LRP1B: variants seen among roughly 807,000 people sequenced by gnomAD.
The protein encoded by LRP1B is LDL receptor related protein 1B.
LRP1B carries 217 observed loss-of-function variants against 556.6 expected under a neutral mutation model. The observed-to-expected ratio is 0.39, with a 90% confidence interval of 0.35 to 0.44. The LOEUF is 0.44. Ranked by LOEUF, LRP1B falls within the 20% of genes least tolerant of loss-of-function variation. The pLI, the probability that LRP1B is intolerant of heterozygous loss-of-function variation, is 1.00. For missense variants in LRP1B, 5,053 were observed against 5,620.8 expected (o/e 0.90, Z 3.23); for synonymous variants, 2,047 against 1,865.8 (o/e 1.10, Z -2.50).
At chr2:141,698,766 T>C (rs1691830968) in intron 2 of LRP1B, among the ~76,000 whole-genome samples, 1 of 151,792 alleles carries the variant, frequency 6.6e-6, no homozygotes, top group East Asian at 1.9e-4. Context: ...GGCATTAACT[T>C]AGAGCAGTGA....
At chr2:140,684,894 G>A (rs1266306089) in intron 41 of LRP1B, among the ~76,000 whole-genome samples, 1 of 152,054 alleles carries the variant, frequency 6.6e-6, no homozygotes. Flanking sequence ...CTAACAATAG[G>A]AACATATTCT....
rs758715859 is a variant in LRP1B, at chr2:140,923,052, C to G, written c.3232G>C (p.Asp1078His). The change falls in exon 21 of 91, where the codon GAC becomes CAC. Residue 1078 changes from aspartate to histidine, a missense_variant. Around this residue, in one of 5 missense-constraint regions of LRP1B, gnomAD observed 3,619 missense variants for 3,931.9 expected, o/e 0.92. Transcript: ENST00000389484. ...PDLWRCDGEK[D>H]CEDGSDEKGC... ...TTTTCATCACTACCATCTTCACAGT[C>G]TTTTTCTCCATCACAGCGCCACAAA... 1 of 1,613,218 alleles carries G rather than the reference C, an allele frequency of 6.2e-7. No homozygotes were observed. Among genetic ancestry groups the G allele is most frequent in the Non-Finnish European group, 8.5e-7 (1 of 1,179,452 alleles).
intron 7 of LRP1B, among the ~76,000 whole-genome samples, chr2:141,162,818 C>A (rs763825337): frequency 6.6e-6 from 1 of 152,044 alleles, no homozygotes; most frequent in African/African-American, 2.4e-5. Flanking sequence ...TATATAATAT[C>A]CCTCCATGCA....
intron 3 of LRP1B, among the ~76,000 whole-genome samples, chr2:141,335,308 T>C (rs2105503512): frequency 6.6e-6 from 1 of 152,320 alleles, no homozygotes; most frequent in South Asian, 2.1e-4. Context: ...AGAGTTCAGT[T>C]ATTCTGAACA....
chr2:141,247,219 A>AACTT lies in LRP1B; in HGVS notation c.592+3_592+6dup, dbSNP rs766457784. 11 of 1,613,542 alleles carry AACTT rather than the reference A, an allele frequency of 6.8e-6. No individual in the cohort carries two copies. In the South Asian group the frequency reaches 1.2e-4, roughly 18 times the overall value. The stretch of plus-strand genomic sequence containing the variant: ...GGAAAGACAAAAAATAAATGGTCAT[A>AACTT]ACTTACCAATTTTAGCCTTGCAAGA... On this transcript the variant is annotated splice_region_variant and intron_variant, in intron 5 of 90. Transcript: ENST00000389484.
intron 3 of LRP1B, among the ~76,000 whole-genome samples, chr2:141,431,399 C>A (rs1328732140): frequency 6.6e-6 from 1 of 152,160 alleles, no homozygotes; most frequent in Non-Finnish European, 1.5e-5. Context: ...GAAATGGGAT[C>A]TCAATCTTAC....
At chr2:140,454,299 C>T (rs1687003292) in intron 62 of LRP1B, among the ~76,000 whole-genome samples, 1 of 152,162 alleles carries the variant, frequency 6.6e-6, no homozygotes, top group South Asian at 2.1e-4. Context: ...CAGGTCCTTG[C>T]CACCATGCCC....
intron 66 of LRP1B, among the ~76,000 whole-genome samples, chr2:140,438,882 G>A (rs1335666958): frequency 6.6e-6 from 1 of 152,138 alleles, no homozygotes; most frequent in African/African-American, 2.4e-5. Flanking sequence ...GAGCAAAGGT[G>A]GGGGCTAGAA....
At chr2:141,923,397 C>T (rs1469552545) in intron 1 of LRP1B, among the ~76,000 whole-genome samples, 5 of 120,262 alleles carry the variant, frequency 4.2e-5, no homozygotes, top group South Asian at 2.8e-4. Context: ...GAAATTATCT[C>T]TGTCACTATA....
chr2:141,171,925 C>T (rs1049306772), intron 7 of LRP1B, among the ~76,000 whole-genome samples: 1 of 152,110 alleles, frequency 6.6e-6, no homozygotes, highest in East Asian at 1.9e-4. Flanking sequence ...CTCCTCCTTT[C>T]TCTCTGGCTG....
chr2:141,255,227 A>G (rs1242330331), intron 3 of LRP1B, among the ~76,000 whole-genome samples: 1 of 152,074 alleles, frequency 6.6e-6, no homozygotes. Flanking sequence ...CATGAAATAG[A>G]GATGAAGTGA....
In LRP1B at chr2:141,544,078, C is replaced by T. The variant is rs978990328; in HGVS notation, c.206-63545G>A. ...TGAACCAGAGCATTGTTAATTTTTTCGTGGTCTTACCCCACATTTCCATTG... is the reference window on the plus strand; with the variant it reads ...TGAACCAGAGCATTGTTAATTTTTTTGTGGTCTTACCCCACATTTCCATTG... On this transcript the variant is annotated intron_variant, in intron 2 of 90. Coordinates refer to ENST00000389484, the MANE Select transcript of LRP1B (RefSeq NM_018557.3). Among the ~76,000 whole-genome samples the T allele has an allele frequency of 8.5e-5, 13 of 152,210 alleles. No homozygotes were observed. The East Asian group carries it at 1.4e-3, about 16-fold the overall frequency.
intron 2 of LRP1B, among the ~76,000 whole-genome samples, chr2:141,521,517 A>T (rs1574041661): frequency 1.3e-5 from 2 of 151,294 alleles, no homozygotes; most frequent in South Asian, 4.2e-4. Flanking sequence ...CTTGGAAGTA[A>T]TTTTTTTTAT....
At chr2:141,782,701 C>T (rs1012818000) in intron 2 of LRP1B, among the ~76,000 whole-genome samples, 1 of 151,902 alleles carries the variant, frequency 6.6e-6, no homozygotes, top group Admixed American at 6.6e-5. Flanking sequence ...TAAAAACAAA[C>T]ATAACATATG....
At chr2:141,021,524 C>T (rs919914214) in intron 11 of LRP1B, among the ~76,000 whole-genome samples, 5 of 152,014 alleles carry the variant, frequency 3.3e-5, no homozygotes, top group African/African-American at 1.2e-4. Context: ...TTCCTGAGCA[C>T]TTTCCTATTC....
At chr2:140,998,138 G>T (rs543611529) in intron 15 of LRP1B, among the ~76,000 whole-genome samples, 2 of 151,992 alleles carry the variant, frequency 1.3e-5, no homozygotes, top group Non-Finnish European at 1.5e-5. Context: ...TATATCTGGG[G>T]CTCCAGAAGG....
intron 43 of LRP1B, among the ~76,000 whole-genome samples, chr2:140,574,083 A>G (rs1681428730): frequency 6.6e-6 from 1 of 152,106 alleles, no homozygotes; most frequent in African/African-American, 2.4e-5. Context: ...GCATTTATCT[A>G]TATTTCAAAC....
chr2:141,395,537 C>T (rs544259919), intron 3 of LRP1B, among the ~76,000 whole-genome samples: 110 of 152,042 alleles, frequency 7.2e-4, no homozygotes, highest in Non-Finnish European at 8.8e-5. Context: ...ATTAACAATG[C>T]ATTACTCTGA....
intron 18 of LRP1B, among the ~76,000 whole-genome samples, chr2:140,955,570 G>A (rs1573919066): frequency 6.6e-6 from 1 of 151,716 alleles, no homozygotes; most frequent in African/African-American, 2.4e-5. Context: ...TTTTATCTTG[G>A]TAGTTACTTA....
Sources: allele counts gnomAD v4.1 joint callset (sites outside exome capture counted in the v4.1 genomes callset), GRCh38; gene constraint gnomAD v4.1.1; regional missense constraint gnomAD v4.1.1; transcripts MANE v1.5; gene names NCBI Gene and HGNC (gene_info 2026-07-23, HGNC 2026-07-21).